The following SFMBT2 variants were observed in gnomAD, a reference collection of about 807,000 sequenced individuals.
SFMBT2 encodes scm-like with four MBT domains protein 2.
In SFMBT2, 38 loss-of-function variants were observed where a neutral mutation model predicts 110.1. The ratio of observed to expected loss-of-function variants is 0.35; its 90% confidence interval spans 0.27 to 0.45. The LOEUF (loss-of-function observed/expected upper bound fraction) is 0.45. Among genes scored for constraint, SFMBT2 ranks in the 20% least tolerant of loss-of-function variants. The pLI is 1.00. For missense variants in SFMBT2, 1,011 were observed against 1,094.9 expected (o/e 0.92, Z 1.08); for synonymous variants, 425 against 425.4 (o/e 1.00, Z 0.01).
intron 11 of SFMBT2, among the ~76,000 whole-genome samples, chr10:7,212,113 C>T (rs1052890862): frequency 1.1e-4 from 17 of 152,142 alleles, no homozygotes; most frequent in African/African-American, 3.6e-4. Flanking sequence ...GGCACTAGGT[C>T]TGGGAGAAAT....
At chr10:7,332,034 AAAAG>A (rs1193444791) in intron 4 of SFMBT2, among the ~76,000 whole-genome samples, 4 of 143,818 alleles carry the variant, frequency 2.8e-5, no homozygotes, top group Non-Finnish European at 3.0e-5. Flanking sequence ...AAAAAAAAAA[AAAAG>A]GAAAGGTGAA....
intron 4 of SFMBT2, among the ~76,000 whole-genome samples, chr10:7,305,377 G>A (rs998145749): frequency 5.3e-5 from 8 of 152,220 alleles, no homozygotes; most frequent in Admixed American, 3.3e-4. Context: ...CTCCCTCCCC[G>A]AGTTCCTGTA....
intron 4 of SFMBT2, among the ~76,000 whole-genome samples, chr10:7,288,256 C>G (rs923279846): frequency 1.3e-5 from 2 of 152,138 alleles, no homozygotes; most frequent in Non-Finnish European, 2.9e-5. Context: ...AAGAGCAAAA[C>G]CAACATGCAC....
intron 11 of SFMBT2, among the ~76,000 whole-genome samples, chr10:7,216,924 T>C (rs1479605682): frequency 6.6e-6 from 1 of 152,232 alleles, no homozygotes; most frequent in Non-Finnish European, 1.5e-5. Context: ...AACTCTTCAG[T>C]CCTCCATTAA....
intron 4 of SFMBT2, among the ~76,000 whole-genome samples, chr10:7,313,624 G>A (rs945624926): frequency 6.6e-6 from 1 of 152,190 alleles, no homozygotes; most frequent in African/African-American, 2.4e-5. Flanking sequence ...AACGATTGGG[G>A]TTTTTTGTTT....
chr10:7,228,253 T>G (rs1229626640), intron 9 of SFMBT2: 2 of 304,298 alleles, frequency 6.6e-6, no homozygotes, highest in African/African-American at 4.5e-5. Context: ...TAAAATACAC[T>G]CTCACCACGC....
rs79310986 is a variant in SFMBT2, at chr10:7,301,102, G to C, written c.437-15148C>G. ...AACCCCAGATACCGTGGAAGCCCTGGCACCAGGGCCAGGATGCTTCCCGAT... is the reference window on the plus strand; with the variant it reads ...AACCCCAGATACCGTGGAAGCCCTGCCACCAGGGCCAGGATGCTTCCCGAT... On this transcript the variant is annotated intron_variant, in intron 4 of 20. Transcript: ENST00000397167. The surrounding 1 kb of genome is among the most constrained non-coding windows in gnomAD (Gnocchi z 4.2). 0.014 allele frequency among the ~76,000 whole-genome samples: 2,089 copies of C among 152,246 alleles called. 50 individuals carry two copies. The highest frequency in any genetic ancestry group is 0.048 in the African/African-American group (2,005 of 41,534).
At chr10:7,240,588 C>T (rs1840397337) in intron 9 of SFMBT2, among the ~76,000 whole-genome samples, 1 of 152,148 alleles carries the variant, frequency 6.6e-6, no homozygotes, top group African/African-American at 2.4e-5. Context: ...AACTGCCTTC[C>T]ACACAGCTTG....
Position 7,172,536 on chromosome 10 carries a change from G to T in SFMBT2, c.2110C>A (p.Arg704=). The stretch of plus-strand genomic sequence containing the variant: ...GTGAAGTCCACGGCAGAAGACCTCC[G>T]TTTCTTCTGCACGAAAATGGATTTC... ...RRKSIFVQKK[R]RSSAVDFTAG... is the part of the protein sequence containing the mutation. The change falls in exon 18 of 21, where the codon CGG becomes AGG. Residue 704 remains arginine, a synonymous_variant. Coordinates refer to ENST00000397167, the MANE Select transcript of SFMBT2 (RefSeq NM_001387889.1). The surrounding 1 kb of genome is among the most constrained non-coding windows in gnomAD (Gnocchi z 4.6). 6.2e-7 allele frequency: 1 copy of T among 1,614,184 alleles called. No individual in the cohort carries two copies. Among genetic ancestry groups the T allele is most frequent in the Non-Finnish European group, 8.5e-7 (1 of 1,180,032 alleles).
At chr10:7,246,303 T>G (rs1840606392) in intron 8 of SFMBT2, 1 of 310,278 alleles carries the variant, frequency 3.2e-6, no homozygotes, top group South Asian at 1.3e-4. Flanking sequence ...AAAAACCAAC[T>G]ATCACTGGAA....
At chr10:7,213,551 C>A (rs1161845795) in intron 11 of SFMBT2, among the ~76,000 whole-genome samples, 1 of 152,196 alleles carries the variant, frequency 6.6e-6, no homozygotes, top group Non-Finnish European at 1.5e-5. Flanking sequence ...ATAACGGCAT[C>A]ATTCGTCAGC....
intron 16 of SFMBT2, among the ~76,000 whole-genome samples, chr10:7,182,581 G>A (rs1259700895): frequency 6.6e-6 from 1 of 151,954 alleles, no homozygotes; most frequent in African/African-American, 2.4e-5. Context: ...CATGGATGAA[G>A]CTGGAAACCA....
chr10:7,225,867 TATAAG>T, intron 10 of SFMBT2, among the ~76,000 whole-genome samples: 1 of 152,296 alleles, frequency 6.6e-6, no homozygotes, highest in Admixed American at 6.5e-5. Flanking sequence ...TTTAGGGTGC[TATAAG>T]ATGTTTCCAC....
chr10:7,191,990 T>A (rs769391836), intron 15 of SFMBT2, among the ~76,000 whole-genome samples: 3 of 152,140 alleles, frequency 2.0e-5, no homozygotes, highest in African/African-American at 4.8e-5. Context: ...GATAAGAAAG[T>A]TCATCAAATT....
intron 2 of SFMBT2, among the ~76,000 whole-genome samples, chr10:7,381,070 CACATACAT>C (rs34216043): frequency 0.063 from 9,437 of 149,436 alleles, 911 homozygotes; most frequent in African/African-American, 0.21. Flanking sequence ...CACACATACA[CACATACAT>C]ACATACATAC....
intron 2 of SFMBT2, among the ~76,000 whole-genome samples, chr10:7,371,093 T>A (rs1461171236): frequency 3.3e-5 from 5 of 152,162 alleles, no homozygotes; most frequent in Admixed American, 1.3e-4. Flanking sequence ...GCTCTTAAAA[T>A]CGTAACTATT....
intron 4 of SFMBT2, among the ~76,000 whole-genome samples, chr10:7,337,110 TGAGG>T (rs1007320310): frequency 2.0e-5 from 3 of 152,242 alleles, no homozygotes; most frequent in African/African-American, 7.2e-5. Flanking sequence ...AGTGATTTAA[TGAGG>T]GAGTGTCTCT....
chr10:7,395,033 G>T (rs138695918), intron 1 of SFMBT2, among the ~76,000 whole-genome samples: 1 of 152,160 alleles, frequency 6.6e-6, no homozygotes, highest in African/African-American at 2.4e-5. Flanking sequence ...AGAATGCTAC[G>T]TTGGGCCGGG....
At chr10:7,275,479 A>G (rs1419989438) in intron 7 of SFMBT2, among the ~76,000 whole-genome samples, 2 of 152,090 alleles carry the variant, frequency 1.3e-5, no homozygotes, top group African/African-American at 4.8e-5. Flanking sequence ...GAAGAATAAA[A>G]GGGAGAGAAG....
Sources: allele counts gnomAD v4.1 joint callset (sites outside exome capture counted in the v4.1 genomes callset), GRCh38; gene constraint gnomAD v4.1.1; non-coding constraint Gnocchi (gnomAD v3.1); transcripts MANE v1.5; gene names NCBI Gene and HGNC (gene_info 2026-07-23, HGNC 2026-07-21).